Variants in MTCL2 observed in about 807,000 individuals in gnomAD.
MTCL2 encodes the protein microtubule crosslinking factor 2.
the MTCL2 span, chr20:36,804,706 G>T: frequency 1.9e-6 from 3 of 1,606,944 alleles, no homozygotes; most frequent in Non-Finnish European, 2.6e-6. Context: ...AGAGTAAGGG[G>T]AGAGGCGTCT....
chr20:36,804,791 T>C, the MTCL2 span: 6 of 1,613,966 alleles, frequency 3.7e-6, no homozygotes, highest in Non-Finnish European at 5.1e-6. Context: ...GCCTTGGCCT[T>C]GGCAAACTGT....
the MTCL2 span, among the ~76,000 whole-genome samples, chr20:36,805,343 A>G: frequency 6.6e-6 from 1 of 151,900 alleles, no homozygotes; most frequent in East Asian, 1.9e-4. Flanking sequence ...CTCATTTCCC[A>G]TCCCTACCCC....
chr20:36,837,547 CATTATTATT>C, the MTCL2 span, among the ~76,000 whole-genome samples: 2,328 of 125,232 alleles, frequency 0.019, 20 homozygotes, highest in Middle Eastern at 0.034. Context: ...ATTTTACCCA[CATTATTATT>C]ATTATTATTA....
the MTCL2 span, chr20:36,797,433 C>T: frequency 1.3e-6 from 2 of 1,496,800 alleles, no homozygotes; most frequent in African/African-American, 1.4e-5. Flanking sequence ...CTCTCATGTC[C>T]CCCACAAGCA....
At chr20:36,836,104 T>C in the MTCL2 span, among the ~76,000 whole-genome samples, 1 of 123,092 alleles carries the variant, frequency 8.1e-6, no homozygotes, top group African/African-American at 3.1e-5. Flanking sequence ...AACCCAGTGA[T>C]TGGAATCTGA....
chr20:36,839,161 C>G, the MTCL2 span: 1 of 1,523,224 alleles, frequency 6.6e-7, no homozygotes, highest in Non-Finnish European at 8.9e-7. This position sits in a 1 kb window ranked among gnomAD's most constrained non-coding sequence, Gnocchi z 5.1. Context: ...CAACCTGGGC[C>G]CCACTTAGAC....
chr20:36,792,897 C>CAGAT, the MTCL2 span, among the ~76,000 whole-genome samples: 33 of 143,024 alleles, frequency 2.3e-4, no homozygotes, highest in African/African-American at 7.2e-4. Context: ...GACAGACAGA[C>CAGAT]AGATAGATAA....
the MTCL2 span, among the ~76,000 whole-genome samples, chr20:36,861,183 G>T: frequency 3.3e-5 from 5 of 152,160 alleles, no homozygotes; most frequent in Non-Finnish European, 7.3e-5. Flanking sequence ...AGCACCAAGA[G>T]GGCAGGAGCA....
chr20:36,815,999 C>T, the MTCL2 span: 16 of 1,613,632 alleles, frequency 9.9e-6, no homozygotes, highest in Non-Finnish European at 5.9e-6. The surrounding 1 kb of genome is among the most constrained non-coding windows in gnomAD (Gnocchi z 5.3). Flanking sequence ...CATGATCCTT[C>T]ATGTCGTCCA....
chr20:36,780,256 T>C, the MTCL2 span: 1 of 149,046 alleles, frequency 6.7e-6, no homozygotes, highest in Non-Finnish European at 1.5e-5. Flanking sequence ...AATAGGCCAA[T>C]CCACAGAGAA....
the MTCL2 span, among the ~76,000 whole-genome samples, chr20:36,848,281 A>G: frequency 6.6e-6 from 1 of 152,188 alleles, no homozygotes; most frequent in Non-Finnish European, 1.5e-5. Context: ...CCTGCCCACA[A>G]GGTGCATCTC....
the MTCL2 span, among the ~76,000 whole-genome samples, chr20:36,831,770 C>G: frequency 6.6e-6 from 1 of 152,318 alleles, no homozygotes; most frequent in African/African-American, 2.4e-5. Context: ...AGTATCAGAA[C>G]AAGGGCTTTG....
chr20:36,778,370 C>G, the MTCL2 span: 1 of 152,356 alleles, frequency 6.6e-6, no homozygotes, highest in East Asian at 1.9e-4. Context: ...AAAACCCCAG[C>G]TTGTAGGGCC....
chr20:36,815,364 C>T, the MTCL2 span: 3 of 1,613,612 alleles, frequency 1.9e-6, no homozygotes, highest in African/African-American at 1.3e-5. The surrounding 1 kb of genome is among the most constrained non-coding windows in gnomAD (Gnocchi z 5.3). Context: ...CTCATGCAGC[C>T]GGAAGTCAGC....
the MTCL2 span, among the ~76,000 whole-genome samples, chr20:36,787,735 A>C: frequency 6.6e-6 from 1 of 151,024 alleles, no homozygotes; most frequent in African/African-American, 2.4e-5. Context: ...AAAATACAAA[A>C]ATTAGCTGGG....
the MTCL2 span, chr20:36,785,094 T>C: frequency 6.4e-3 from 6,316 of 985,436 alleles, 372 homozygotes; most frequent in African/African-American, 0.1. Flanking sequence ...ATTTATAGAC[T>C]GACCGCTGGG....
At chr20:36,829,331 G>C in the MTCL2 span, 1 of 963,046 alleles carries the variant, frequency 1.0e-6, no homozygotes, top group South Asian at 1.7e-5. Flanking sequence ...GGTTCCTATC[G>C]CATCACTGCC....
the MTCL2 span, among the ~76,000 whole-genome samples, chr20:36,803,523 G>A: frequency 6.6e-6 from 1 of 152,056 alleles, no homozygotes; most frequent in Non-Finnish European, 1.5e-5. Flanking sequence ...CACCTGAAAT[G>A]CCCAGGTCTT....
the MTCL2 span, chr20:36,815,846 C>A: frequency 6.2e-7 from 1 of 1,600,742 alleles, no homozygotes; most frequent in East Asian, 2.3e-5. This position sits in a 1 kb window ranked among gnomAD's most constrained non-coding sequence, Gnocchi z 5.3. Flanking sequence ...GGTCCTCGAG[C>A]TCGGCAGAGG....
Sources: allele counts gnomAD v4.1 joint callset (sites outside exome capture counted in the v4.1 genomes callset), GRCh38; gene constraint gnomAD v4.1.1; non-coding constraint Gnocchi (gnomAD v3.1); transcripts MANE v1.5; gene names NCBI Gene and HGNC (gene_info 2026-07-23, HGNC 2026-07-21).